ADTRP: variants seen among roughly 807,000 people sequenced by gnomAD.
The protein encoded by ADTRP is androgen dependent TFPI regulating protein, also known as androgen-dependent TFPI-regulating protein.
ADTRP carries 20 observed loss-of-function variants against 27.0 expected under a neutral mutation model. The observed-to-expected ratio is 0.74, with a 90% CI of 0.52 to 1.08. The LOEUF (loss-of-function observed/expected upper bound fraction) is 1.08. Ranked by LOEUF, ADTRP falls within the 50% of genes least tolerant of loss-of-function variation. The pLI is 0.00. For synonymous variants in ADTRP, 101 were observed against 105.2 expected, an observed-to-expected ratio of 0.96 and a Z score of 0.25; for missense variants, 251 against 275.0, an observed-to-expected ratio of 0.91 and a Z score of 0.62.
intron 1 of ADTRP, 139 bp from the exon 2 acceptor site, chr6:11,768,522 A>G (rs1302977874): frequency 1.5e-5 from 17 of 1,134,056 alleles, no homozygotes; most frequent in Non-Finnish European, 2.1e-5. Flanking sequence ...TTGAGAGCCA[A>G]TTCAAGGGCT....
At chr6:11,745,170 A>ATCTCTCTC (rs56245898) in intron 3 of ADTRP, among the ~76,000 whole-genome samples, 2 of 147,808 alleles carry the variant, frequency 1.4e-5, no homozygotes, top group South Asian at 2.2e-4. Flanking sequence ...GGGTTAGTCA[A>ATCTCTCTC]TCTCTCTCTC....
intron 4 of ADTRP, among the ~76,000 whole-genome samples, chr6:11,727,979 TAGGG>T (rs35686998): frequency 0.11 from 5,830 of 53,190 alleles, 237 homozygotes; most frequent in Middle Eastern, 0.25. Context: ...GGGAGGTAGG[TAGGG>T]AGGGAGGGAG....
chr6:11,767,309 G>T (rs1402803612), intron 2 of ADTRP, among the ~76,000 whole-genome samples: 1 of 152,126 alleles, frequency 6.6e-6, no homozygotes, highest in African/African-American at 2.4e-5. Context: ...CCCCAGTCTG[G>T]GCAACAGAGT....
chr6:11,767,650 A>G (rs1322481185), intron 2 of ADTRP: 1 of 152,236 alleles, frequency 6.6e-6, no homozygotes. Context: ...TGGCATCAGC[A>G]TACCAGCTTA....
intron 3 of ADTRP, among the ~76,000 whole-genome samples, chr6:11,757,731 A>G (rs1763259115): frequency 6.6e-6 from 1 of 152,230 alleles, no homozygotes; most frequent in Admixed American, 6.5e-5. Context: ...GACAGGGCAG[A>G]GACAGCAGTG....
intron 1 of ADTRP, among the ~76,000 whole-genome samples, chr6:11,777,356 A>T (rs1219440946): frequency 6.6e-6 from 1 of 152,018 alleles, no homozygotes; most frequent in Non-Finnish European, 1.5e-5. Context: ...TTCATACTGG[A>T]ATTGGATTTT....
chr6:11,759,184 G>A (rs2294417), intron 3 of ADTRP, among the ~76,000 whole-genome samples: 48,709 of 151,998 alleles, frequency 0.32, 9,016 homozygotes, highest in East Asian at 0.68. Flanking sequence ...GAAGACTGAC[G>A]TTTAGCCAGC....
At chr6:11,773,582 T>C (rs1365220796) in intron 1 of ADTRP, among the ~76,000 whole-genome samples, 1 of 152,222 alleles carries the variant, frequency 6.6e-6, no homozygotes, top group South Asian at 2.1e-4. Flanking sequence ...GGCAGCTCCC[T>C]TCTGCTGAGG....
intron 4 of ADTRP, among the ~76,000 whole-genome samples, chr6:11,729,921 T>A (rs1762331718): frequency 6.6e-6 from 1 of 152,250 alleles, no homozygotes; most frequent in Non-Finnish European, 1.5e-5. Context: ...TTTTTCCTTT[T>A]CATTTGTGTG....
intron 3 of ADTRP, among the ~76,000 whole-genome samples, chr6:11,750,029 G>A (rs1287735670): frequency 3.9e-5 from 6 of 152,122 alleles, no homozygotes; most frequent in South Asian, 4.2e-4. Context: ...CTTGTAGAGC[G>A]GTCAGTTCCA....
intron 4 of ADTRP, among the ~76,000 whole-genome samples, chr6:11,731,981 C>T (rs896668497): frequency 2.0e-5 from 3 of 152,102 alleles, no homozygotes; most frequent in East Asian, 1.9e-4. Context: ...TGCTCCTCAC[C>T]ACTGCCTCAG....
intron 3 of ADTRP, among the ~76,000 whole-genome samples, chr6:11,752,938 C>A (rs916654096): frequency 6.6e-6 from 1 of 152,144 alleles, no homozygotes; most frequent in Non-Finnish European, 1.5e-5. Flanking sequence ...TCACTGATAG[C>A]ACTTTATATT....
At chr6:11,735,512 T>G in intron 4 of ADTRP, 56 bp downstream of exon 4, 1 of 1,328,896 alleles carries the variant, frequency 7.5e-7, no homozygotes, top group Non-Finnish European at 1.1e-6. Context: ...TTTCTGGAAC[T>G]TCCCTCAGGG....
intron 4 of ADTRP, among the ~76,000 whole-genome samples, chr6:11,735,322 A>C (rs934111990): frequency 6.6e-6 from 1 of 152,152 alleles, no homozygotes; most frequent in Non-Finnish European, 1.5e-5. Flanking sequence ...ATTCTTCACG[A>C]GAGAGAGAGG....
intron 1 of ADTRP, among the ~76,000 whole-genome samples, chr6:11,770,514 G>C (rs73721808): frequency 0.14 from 21,599 of 152,022 alleles, 1,896 homozygotes; most frequent in African/African-American, 0.24. Flanking sequence ...TAAGGGACAG[G>C]AAGGGAAAGG....
chr6:11,741,702 TTAAGGA>T (rs1366550532), intron 3 of ADTRP, among the ~76,000 whole-genome samples: 3 of 136,282 alleles, frequency 2.2e-5, no homozygotes, highest in African/African-American at 5.8e-5. Flanking sequence ...TTCTATCCAG[TTAAGGA>T]TAAGATTTTT....
chr6:11,731,493 G>A (rs758418013), intron 4 of ADTRP, among the ~76,000 whole-genome samples: 83 of 152,176 alleles, frequency 5.5e-4, no homozygotes, highest in Non-Finnish European at 1.2e-3. Context: ...CCATCTGCAA[G>A]CCTTCATGAG....
chr6:11,726,494 T>C (rs1581315694), intron 4 of ADTRP, among the ~76,000 whole-genome samples: 1 of 152,204 alleles, frequency 6.6e-6, no homozygotes, highest in Non-Finnish European at 1.5e-5. Flanking sequence ...TTCACACGTG[T>C]CCATTTCCCC....
At chr6:11,775,929 A>G (rs549527814) in intron 1 of ADTRP, among the ~76,000 whole-genome samples, 18 of 152,234 alleles carry the variant, frequency 1.2e-4, no homozygotes, top group Non-Finnish European at 2.2e-4. Context: ...GTGAGGTAAA[A>G]TAAATATAAG....
Sources: gnomAD v4.1 joint callset for allele counts (sites outside exome capture counted in the v4.1 genomes callset) on GRCh38, gnomAD v4.1.1 for gene constraint, MANE v1.5 for transcripts, NCBI Gene and HGNC (gene_info 2026-07-23, HGNC 2026-07-21) for gene names.